The following CDH12 variants were observed in gnomAD, a reference collection of about 807,000 sequenced individuals.
CDH12 encodes cadherin-12.
In CDH12, 41 loss-of-function variants were observed where a neutral mutation model predicts 74.1. The ratio of observed to expected loss-of-function variants is 0.55; its 90% CI spans 0.43 to 0.72. The LOEUF is 0.72. CDH12 is among the 30% of genes least tolerant of loss of function. The pLI, the probability that CDH12 is intolerant of heterozygous loss-of-function variation, is 0.00. For missense variants in CDH12, 945 were observed against 977.2 expected (o/e 0.97, Z 0.44); for synonymous variants, 399 against 355.0 (o/e 1.12, Z -1.39).
intron 1 of CDH12, among the ~76,000 whole-genome samples, chr5:22,730,709 T>A (rs555294205): frequency 2.1e-4 from 32 of 151,866 alleles, no homozygotes; most frequent in Non-Finnish European, 2.5e-4. Flanking sequence ...ACAATTGGTG[T>A]TTAGATGTGT....
chr5:22,053,073 T>G (rs894010722), intron 5 of CDH12, among the ~76,000 whole-genome samples: 1 of 132,614 alleles, frequency 7.5e-6, no homozygotes, highest in Non-Finnish European at 1.6e-5. Flanking sequence ...GTTTTTTTTG[T>G]TTTTTTTTTT....
At chr5:21,885,598 A>T (rs544703964) in intron 6 of CDH12, among the ~76,000 whole-genome samples, 6 of 152,274 alleles carry the variant, frequency 3.9e-5, no homozygotes. Context: ...CCTGAATTTG[A>T]GTTGCACTTG....
chr5:22,031,892 T>C (rs1477944138), intron 5 of CDH12, among the ~76,000 whole-genome samples: 2 of 151,930 alleles, frequency 1.3e-5, no homozygotes, highest in South Asian at 2.1e-4. Context: ...ATGAAGAACT[T>C]TGGAATTTTC....
intron 3 of CDH12, among the ~76,000 whole-genome samples, chr5:22,333,232 G>A (rs749889467): frequency 2.0e-5 from 3 of 151,898 alleles, no homozygotes; most frequent in Non-Finnish European, 4.4e-5. Flanking sequence ...ACCAAAAACC[G>A]CATGTTTTCA....
intron 5 of CDH12, among the ~76,000 whole-genome samples, chr5:22,075,579 G>A (rs1742259959): frequency 2.0e-5 from 3 of 151,846 alleles, no homozygotes; most frequent in Admixed American, 6.6e-5. Flanking sequence ...TAAGAATATA[G>A]TCTATAATAC....
chr5:21,776,235 A>G (rs1413348251), intron 11 of CDH12, among the ~76,000 whole-genome samples: 1 of 152,162 alleles, frequency 6.6e-6, no homozygotes, highest in African/African-American at 2.4e-5. Flanking sequence ...CCAACAGCCT[A>G]CAAGCACACT....
intron 6 of CDH12, among the ~76,000 whole-genome samples, chr5:21,878,413 C>T (rs1327772294): frequency 6.6e-6 from 1 of 151,926 alleles, no homozygotes; most frequent in East Asian, 1.9e-4. Context: ...AGATCAGTTT[C>T]TTCATCTATA....
intron 6 of CDH12, chr5:21,883,569 G>A: frequency 6.2e-7 from 1 of 1,606,036 alleles, no homozygotes; most frequent in Non-Finnish European, 8.5e-7. Flanking sequence ...AGTGTTTGGA[G>A]AAGAGGGGTT....
chr5:22,549,126 GT>G (rs35054448), intron 1 of CDH12, among the ~76,000 whole-genome samples: 126 of 144,956 alleles, frequency 8.7e-4, no homozygotes, highest in Middle Eastern at 7.0e-3. Flanking sequence ...TTGTTTATTT[GT>G]TTTTTTTTTG....
chr5:22,100,239 C>T (rs1401868132), intron 4 of CDH12, among the ~76,000 whole-genome samples: 1 of 152,146 alleles, frequency 6.6e-6, no homozygotes, highest in African/African-American at 2.4e-5. Flanking sequence ...AAAATGTATG[C>T]ATCCCTGATT....
chr5:21,819,858 A>C (rs2149950151), intron 8 of CDH12, among the ~76,000 whole-genome samples: 4 of 152,080 alleles, frequency 2.6e-5, no homozygotes, highest in African/African-American at 9.6e-5. Flanking sequence ...TGTGCATCTC[A>C]CTTAAAGAGC....
intron 6 of CDH12, among the ~76,000 whole-genome samples, chr5:21,902,340 TTCTC>T (rs995384520): frequency 2.6e-5 from 4 of 151,802 alleles, no homozygotes; most frequent in African/African-American, 7.3e-5. Flanking sequence ...CTATTTCTCT[TTCTC>T]TCTGTCTCAC....
At chr5:22,544,796 G>A (rs539907048) in intron 1 of CDH12, among the ~76,000 whole-genome samples, 42 of 151,496 alleles carry the variant, frequency 2.8e-4, no homozygotes, top group African/African-American at 9.7e-4. Flanking sequence ...CAGCCTGGGT[G>A]ACAGAGTGAG....
At chr5:21,871,675 C>T (rs190243593) in intron 6 of CDH12, among the ~76,000 whole-genome samples, 24 of 152,104 alleles carry the variant, frequency 1.6e-4, no homozygotes, top group African/African-American at 5.8e-4. Context: ...TGCAATGAGC[C>T]GAGATTGCAC....
chr5:21,884,878 T>A (rs1420450002), intron 6 of CDH12, among the ~76,000 whole-genome samples: 1 of 152,120 alleles, frequency 6.6e-6, no homozygotes, highest in Non-Finnish European at 1.5e-5. Context: ...AAAGGCCCTG[T>A]TTTTTGCTTG....
At position 22,402,080 on chromosome 5, in the gene CDH12, G is replaced by A. The variant is rs186425521; in HGVS notation, c.-333+3177C>T. Among the ~76,000 whole-genome samples the A allele has an allele frequency of 4.6e-5, 7 of 152,236 alleles. No individual in the cohort carries two copies. In the East Asian group the frequency reaches 5.8e-4, roughly 13 times the overall value. ...CACCCAATGTGTGGCCATTTGTTAC[G>A]ACAGCCCCAGGAAAGCAATACAGAT... On this transcript the variant is annotated intron_variant, in intron 3 of 14. Coordinates refer to ENST00000382254, the MANE Select transcript of CDH12 (RefSeq NM_004061.5).
chr5:22,226,943 C>T (rs915771445), intron 3 of CDH12, among the ~76,000 whole-genome samples: 1 of 151,226 alleles, frequency 6.6e-6, no homozygotes, highest in African/African-American at 2.4e-5. Context: ...AATATGTTGT[C>T]TCAGTATAAA....
intron 5 of CDH12, among the ~76,000 whole-genome samples, chr5:21,987,245 G>T (rs192791886): frequency 6.6e-6 from 1 of 151,912 alleles, no homozygotes; most frequent in Admixed American, 6.6e-5. Context: ...ATTTCAAAAA[G>T]AAAAGCTAAA....
chr5:22,774,522 TG>T (rs1390805635), intron 1 of CDH12, among the ~76,000 whole-genome samples: 4 of 152,074 alleles, frequency 2.6e-5, no homozygotes, highest in Non-Finnish European at 5.9e-5. Context: ...AATTGAATCA[TG>T]GGGGGCAAGT....
Sources: gnomAD v4.1 joint callset for allele counts (sites outside exome capture counted in the v4.1 genomes callset) on GRCh38, gnomAD v4.1.1 for gene constraint, MANE v1.5 for transcripts, NCBI Gene and HGNC (gene_info 2026-07-23, HGNC 2026-07-21) for gene names.